Variants in KLRC2 observed in about 807,000 individuals in gnomAD.
The protein encoded by KLRC2 is NKG2-C type II integral membrane protein.
A neutral mutation model predicts 25.5 loss-of-function variants in KLRC2; 10 were observed. The observed-to-expected ratio is 0.39, with a 90% CI of 0.24 to 0.67. The LOEUF (loss-of-function observed/expected upper bound fraction) is 0.67. Ranked by LOEUF, KLRC2 falls within the 30% of genes least tolerant of loss-of-function variation. The pLI, the probability that KLRC2 is intolerant of heterozygous loss-of-function variation, is 0.45. For missense variants in KLRC2, 170 were observed against 272.8 expected, an observed-to-expected ratio of 0.62 and a Z score of 2.65; for synonymous variants, 48 against 93.3, an observed-to-expected ratio of 0.51 and a Z score of 2.80.
rs544155214 is a variant in KLRC2, at chr12:10,435,745, G to A, written c.187+55C>T. ...TTCCCTAATCTTTCCTCACCCTTCT[G>A]CATTCAACTGCACATCCTAGAACAA... On this transcript the variant is annotated intron_variant, in intron 1 of 5. Coordinates refer to ENST00000381902, the MANE Select transcript of KLRC2 (RefSeq NM_002260.4). 8.0e-6 allele frequency: 12 copies of A among 1,492,396 alleles called. 1 individual carries two copies. The highest frequency in any genetic ancestry group is 3.6e-4 in the Middle Eastern group (2 of 5,600). The allele number at this position is 1,492,396 out of a possible 1,614,324, so 92.4% of individuals were successfully genotyped here. A position where few individuals can be genotyped will look rare whatever the true frequency, so the allele number is the denominator to read the frequency against.
At chr12:10,434,739 T>C (rs1863852439) in intron 2 of KLRC2, among the ~76,000 whole-genome samples, 1 of 151,884 alleles carries the variant, frequency 6.6e-6, no homozygotes, top group Admixed American at 6.6e-5. Flanking sequence ...CCATCTCTTG[T>C]AGTATTTGAT....
chr12:10,435,973 C>G lies in KLRC2; in HGVS notation c.14G>C (p.Arg5Thr). 1 of 1,607,254 alleles carries G rather than the reference C, an allele frequency of 6.2e-7. No individual in the cohort carries two copies. Among genetic ancestry groups the G allele is most frequent in the Non-Finnish European group, 8.5e-7 (1 of 1,176,990 alleles). Residue 5 changes from arginine (R) to threonine (T), a missense_variant, in exon 1 of 6, where the codon AGA (arginine) becomes ACA (threonine). By Grantham distance (71) the Arg-to-Thr change is moderately conservative (BLOSUM62 -1). Transcript: ENST00000381902. ...CAGACTCACTTCTGAGAAGGTTCCTCTTTGTTTATTCATCTCTGCAGCTGT... is the reference window on the plus strand; with the variant it reads ...CAGACTCACTTCTGAGAAGGTTCCTGTTTGTTTATTCATCTCTGCAGCTGT... MNKQRGTFSEVSLAQ... is the reference protein window; with the variant it reads MNKQTGTFSEVSLAQ...
In KLRC2 at chr12:10,435,661, A is replaced by G; in HGVS notation, c.187+139T>C. ...ATGCCCGAATAAAATTAGTCTTCTGATTTCATATTAGAATTTTAGATCCCA... is the reference window on the plus strand; with the variant it reads ...ATGCCCGAATAAAATTAGTCTTCTGGTTTCATATTAGAATTTTAGATCCCA... On this transcript the variant is annotated intron_variant, in intron 1 of 5. Coordinates refer to ENST00000381902, the MANE Select transcript of KLRC2 (RefSeq NM_002260.4). 8 of 1,093,080 alleles carry G rather than the reference A, an allele frequency of 7.3e-6. 1 individual carries two copies. The allele number at this position is 1,093,080 out of a possible 1,614,324, so 67.7% of individuals were successfully genotyped here.
chr12:10,434,872 C>G (rs1265652017), intron 2 of KLRC2: 14 of 341,066 alleles, frequency 4.1e-5, no homozygotes, highest in Non-Finnish European at 7.3e-5. Flanking sequence ...AGATTACACA[C>G]AAAAAATAAA....
At position 10,431,809 on chromosome 12, in the gene KLRC2, G is replaced by A. The variant is rs1318497076; in HGVS notation, c.584+297C>T. Among the ~76,000 whole-genome samples the A allele has an allele frequency of 1.5e-5, 2 of 134,462 alleles. 1 individual carries two copies. The highest frequency in any genetic ancestry group is 3.2e-5 in the Non-Finnish European group (2 of 63,014). The allele number at this position is 134,462 out of a possible 152,430, so 88.2% of individuals were successfully genotyped here. On this transcript the variant is annotated intron_variant, in intron 5 of 5. Transcript: ENST00000381902. ...TTTTTTTTTTAGCTCGTCAGCTATC[G>A]TTAGTGTTAGTGTATTCTATGTGTG...
At position 10,435,781 on chromosome 12, in the gene KLRC2, G is replaced by A. The variant is rs752750111; in HGVS notation, c.187+19C>T. 6.5e-7 allele frequency: 1 copy of A among 1,537,942 alleles called. No homozygotes were observed. The highest frequency in any genetic ancestry group is 2.4e-5 in the East Asian group (1 of 41,986). On this transcript the variant is annotated intron_variant, in intron 1 of 5. Coordinates refer to ENST00000381902, the MANE Select transcript of KLRC2 (RefSeq NM_002260.4). ...CACATCCTAGAACAATAATATTGAA[G>A]ATATATTTAATGTTTTACCTTGGCA...
Position 10,433,424 on chromosome 12 carries a change from CA to C in KLRC2, c.483+366del, listed in dbSNP as rs147170855. Among the ~76,000 whole-genome samples, 1,146 of 141,622 alleles carry C rather than the reference CA, an allele frequency of 8.1e-3. 242 individuals are homozygous for C. Among genetic ancestry groups the C allele is most frequent in the African/African-American group, 0.03 (1,099 of 37,062 alleles). The allele number at this position is 141,622 out of a possible 152,430, so 92.9% of individuals were successfully genotyped here. Reference sequence around the variant, plus strand: ...TCAGGATAAGTGATGAGGGCATACACAGGGGTGGAACTGCTAGAGCTGGAAA... The same window carrying C: ...TCAGGATAAGTGATGAGGGCATACACGGGGTGGAACTGCTAGAGCTGGAAA... On this transcript the variant is annotated intron_variant, in intron 4 of 5. Coordinates refer to ENST00000381902, the MANE Select transcript of KLRC2 (RefSeq NM_002260.4).
Position 10,435,717 on chromosome 12 carries a change from A to T in KLRC2, c.187+83T>A. The stretch of plus-strand genomic sequence containing the variant: ...GAACTCCGATTCTCACAAGTGCAAA[A>T]TATTCCCTAATCTTTCCTCACCCTT... On this transcript the variant is annotated intron_variant, in intron 1 of 5. Transcript: ENST00000381902. The T allele has an allele frequency of 2.1e-6, 3 of 1,402,064 alleles. 1 individual carries two copies. The highest frequency in any genetic ancestry group is 4.9e-5 in the East Asian group (2 of 40,472). The allele number at this position is 1,402,064 out of a possible 1,614,324, so 86.9% of individuals were successfully genotyped here.
In KLRC2 at chr12:10,435,836, T is replaced by A. The variant is rs759374384; in HGVS notation, c.151A>T (p.Asn51Tyr). ...VELNLQNPSL[N>Y]HQGIDKIYDC... Reference sequence around the variant, plus strand: ...TATATTTTATCAATCCCTTGATGATTCAGGGAAGGATTTTGAAGATTTAAT... The same window carrying A: ...TATATTTTATCAATCCCTTGATGATACAGGGAAGGATTTTGAAGATTTAAT... The change falls in exon 1 of 6, where the codon AAT (asparagine) becomes TAT (tyrosine). Residue 51 changes from asparagine (N) to tyrosine (Y), a missense_variant. Asn to Tyr is a moderately radical substitution (Grantham distance 143, BLOSUM62 -2). Around this residue, in one of 3 missense-constraint regions of KLRC2, gnomAD observed 37 missense variants for 68.0 expected, o/e 0.54. Coordinates refer to ENST00000381902, the MANE Select transcript of KLRC2 (RefSeq NM_002260.4). 3 of 1,549,112 alleles carry A rather than the reference T, an allele frequency of 1.9e-6. No homozygotes were observed. Among genetic ancestry groups the A allele is most frequent in the Non-Finnish European group, 2.6e-6 (3 of 1,134,860 alleles).
intron 2 of KLRC2, among the ~76,000 whole-genome samples, chr12:10,434,804 G>A (rs1438349139): frequency 6.6e-6 from 1 of 151,960 alleles, no homozygotes; most frequent in Non-Finnish European, 1.5e-5. Context: ...TCTATAGCAT[G>A]CCTTTGAATT....
rs1286989354 is a variant in KLRC2, at chr12:10,433,948, A to G, written c.332-6T>C. 3 of 1,544,486 alleles carry G rather than the reference A, an allele frequency of 1.9e-6. 1 individual carries two copies. The highest frequency in any genetic ancestry group is 1.7e-5 in the Admixed American group (1 of 57,578). On this transcript the variant is annotated splice_polypyrimidine_tract_variant and splice_region_variant and intron_variant, in intron 3 of 5. Transcript: ENST00000381902. ...ACAATGGCCACAATGACGTGCTAAT[A>G]AAGATATGAATTACTATCTAGACCA... is the stretch of plus-strand genomic sequence containing the variant.
Position 10,433,483 on chromosome 12 carries a change from C to G in KLRC2, c.483+308G>C, listed in dbSNP as rs1159106059. 4.9e-5 allele frequency among the ~76,000 whole-genome samples: 7 copies of G among 141,872 alleles called. 1 individual carries two copies. In the South Asian group the frequency reaches 1.5e-3, roughly 31 times the overall value. 93.1% of individuals were successfully genotyped at this position (141,872 alleles called of 152,430 possible). A position where few individuals can be genotyped will look rare whatever the true frequency, so the allele number is the denominator to read the frequency against. ...TTCATGATCTGACTTGTATCACATG[C>G]ATTCATTCACTTTGTGATCAATCTG... On this transcript the variant is annotated intron_variant, in intron 4 of 5. Coordinates refer to ENST00000381902, the MANE Select transcript of KLRC2 (RefSeq NM_002260.4).
Position 10,431,977 on chromosome 12 carries a change from A to G in KLRC2, c.584+129T>C, listed in dbSNP as rs1284603951. The G allele has an allele frequency of 2.5e-5, 21 of 848,378 alleles. 2 individuals carry two copies. Among genetic ancestry groups the G allele is most frequent in the East Asian group, 2.0e-4 (6 of 29,632 alleles). The allele number at this position is 848,378 out of a possible 1,614,324, so 52.6% of individuals were successfully genotyped here. A position where few individuals can be genotyped will look rare whatever the true frequency, so the allele number is the denominator to read the frequency against. On this transcript the variant is annotated intron_variant, in intron 5 of 5. Coordinates refer to ENST00000381902, the MANE Select transcript of KLRC2 (RefSeq NM_002260.4). ...TACTATGGTCTATTGTAAAATATTTATATCAACATTTCACTAACTTTCCAC... is the reference window on the plus strand; with the variant it reads ...TACTATGGTCTATTGTAAAATATTTGTATCAACATTTCACTAACTTTCCAC...
intron 2 of KLRC2, among the ~76,000 whole-genome samples, chr12:10,434,759 T>C (rs1205536217): frequency 6.6e-6 from 1 of 152,062 alleles, no homozygotes; most frequent in Non-Finnish European, 1.5e-5. Flanking sequence ...TGTAACCACT[T>C]TCAAAAATTA....
chr12:10,434,180 T>G, intron 3 of KLRC2: 2 of 704,596 alleles, frequency 2.8e-6, no homozygotes, highest in South Asian at 3.1e-5. Flanking sequence ...AAATACACTC[T>G]ACACATGTGT....
intron 1 of KLRC2, 38 bp from the exon 2 acceptor site, chr12:10,435,448 A>ATAGAGAGTTGAT: frequency 6.3e-7 from 1 of 1,597,176 alleles, no homozygotes; most frequent in South Asian, 1.1e-5. Context: ...GAGAGGGGAG[A>ATAGAGAGTTGAT]TAGAGAGTTG....
intron 5 of KLRC2, 121 bp downstream of exon 5, chr12:10,431,985 A>G: frequency 3.3e-6 from 3 of 903,540 alleles, no homozygotes; most frequent in Non-Finnish European, 4.8e-6. Context: ...TTATATCAAC[A>G]TTTCACTAAC....
rs765292665 is a variant in KLRC2 at position 10,433,366 on chromosome 12, T to C, written c.483+425A>G. Among the ~76,000 whole-genome samples the C allele has an allele frequency of 7.0e-5, 10 of 142,302 alleles. 2 individuals are homozygous for C. Among genetic ancestry groups the C allele is most frequent in the African/African-American group, 1.1e-4 (4 of 37,326 alleles). The allele number at this position is 142,302 out of a possible 152,430, so 93.4% of individuals were successfully genotyped here. A position where few individuals can be genotyped will look rare whatever the true frequency, so the allele number is the denominator to read the frequency against. The stretch of plus-strand genomic sequence containing the variant: ...AAGAACAGGCAATCATTATTTATAA[T>C]ATTAAAAGTCAAGACTGCGTTTTGG... On this transcript the variant is annotated intron_variant, in intron 4 of 5. Coordinates refer to ENST00000381902, the MANE Select transcript of KLRC2 (RefSeq NM_002260.4).
In KLRC2 at chr12:10,435,825, C is replaced by T. The variant is rs138243943; in HGVS notation, c.162G>A (p.Gly54=). The T allele has an allele frequency of 1.7e-5, 26 of 1,548,876 alleles. 3 individuals carry two copies. The African/African-American group carries it at 3.7e-4, about 22-fold the overall frequency. Residue 54 remains glycine (G), a synonymous_variant, in exon 1 of 6, where the codon GGG becomes GGA. Coordinates refer to ENST00000381902, the MANE Select transcript of KLRC2 (RefSeq NM_002260.4). ...NLQNPSLNHQ[G]IDKIYDCQGL... ...CTTGGCAGTCATATATTTTATCAAT[C>T]CCTTGATGATTCAGGGAAGGATTTT...
Sources: allele counts gnomAD v4.1 joint callset (sites outside exome capture counted in the v4.1 genomes callset), GRCh38; gene constraint gnomAD v4.1.1; regional missense constraint gnomAD v4.1.1; transcripts MANE v1.5; gene names NCBI Gene and HGNC (gene_info 2026-07-23, HGNC 2026-07-21).